FMN2: variants seen among roughly 807,000 people sequenced by gnomAD.
FMN2 encodes the protein formin 2.
FMN2 carries 51 observed loss-of-function variants against 142.3 expected under a neutral mutation model. The ratio of observed to expected loss-of-function variants is 0.36; its 90% CI spans 0.29 to 0.45. The LOEUF is 0.45. FMN2 is among the 20% of genes least tolerant of loss of function. The probability of loss-of-function intolerance (pLI) is 1.00; values close to 1 mark genes in which losing one functional copy is unlikely to be tolerated. For missense variants in FMN2, 1,936 were observed against 2,122.8 expected, an observed-to-expected ratio of 0.91 and a Z score of 1.73; for synonymous variants, 882 against 869.8, an observed-to-expected ratio of 1.01 and a Z score of -0.25.
At chr1:240,275,062 G>A (rs939844324) in intron 7 of FMN2, among the ~76,000 whole-genome samples, 14 of 145,372 alleles carry the variant, frequency 9.6e-5, no homozygotes, top group African/African-American at 3.4e-4. Context: ...GGTCAAGAAA[G>A]GGTGTTCTTT....
chr1:240,224,201 T>C (rs549154480), intron 6 of FMN2, among the ~76,000 whole-genome samples: 1 of 152,318 alleles, frequency 6.6e-6, no homozygotes, highest in East Asian at 1.9e-4. Context: ...TCTCATTGGT[T>C]TCAAAGAACT....
chr1:240,110,455 A>G (rs1398332799), intron 1 of FMN2, among the ~76,000 whole-genome samples: 1 of 152,200 alleles, frequency 6.6e-6, no homozygotes, highest in African/African-American at 2.4e-5. Context: ...GGCCCAATAA[A>G]ACCCTAGTGC....
At chr1:240,425,640 C>G (rs1674917218) in intron 15 of FMN2, among the ~76,000 whole-genome samples, 2 of 152,186 alleles carry the variant, frequency 1.3e-5, no homozygotes, top group Admixed American at 1.3e-4. Flanking sequence ...AGGGTTTACC[C>G]TGATCAGGAA....
chr1:240,416,907 C>G (rs987842211), intron 15 of FMN2, among the ~76,000 whole-genome samples: 6 of 151,724 alleles, frequency 4.0e-5, no homozygotes, highest in African/African-American at 1.5e-4. Flanking sequence ...TTTTTAAAAT[C>G]ATATACTCAG....
intron 7 of FMN2, among the ~76,000 whole-genome samples, chr1:240,281,415 T>C (rs767205983): frequency 2.8e-4 from 43 of 152,270 alleles, no homozygotes; most frequent in Non-Finnish European, 5.4e-4. Flanking sequence ...ATTTTAACTG[T>C]TTGATAACAA....
intron 14 of FMN2, among the ~76,000 whole-genome samples, chr1:240,360,123 T>C (rs1672411303): frequency 6.6e-6 from 1 of 152,232 alleles, no homozygotes; most frequent in Non-Finnish European, 1.5e-5. Context: ...AACTCAGTTT[T>C]TTTCCTCAAC....
intron 7 of FMN2, among the ~76,000 whole-genome samples, chr1:240,288,026 G>A (rs1262969770): frequency 1.3e-5 from 2 of 152,200 alleles, no homozygotes; most frequent in African/African-American, 4.8e-5. Flanking sequence ...AGGACAATCA[G>A]AGTGATCTCA....
chr1:240,225,605 T>C (rs1475284731), intron 6 of FMN2, among the ~76,000 whole-genome samples: 2 of 152,182 alleles, frequency 1.3e-5, no homozygotes, highest in African/African-American at 4.8e-5. Flanking sequence ...ATATCTGGAA[T>C]TGATAAAATA....
intron 13 of FMN2, among the ~76,000 whole-genome samples, chr1:240,354,970 A>T (rs1251415520): frequency 1.3e-5 from 2 of 152,170 alleles, no homozygotes; most frequent in African/African-American, 4.8e-5. Flanking sequence ...GCTATTACCA[A>T]AATGGCAGAC....
intron 2 of FMN2, among the ~76,000 whole-genome samples, chr1:240,163,631 T>A (rs1428070493): frequency 6.6e-6 from 1 of 152,102 alleles, no homozygotes; most frequent in African/African-American, 2.4e-5. Flanking sequence ...TGGAGCTCAT[T>A]TTTTATCTTG....
At chr1:240,340,345 C>T (rs545616087) in intron 13 of FMN2, among the ~76,000 whole-genome samples, 1 of 152,228 alleles carries the variant, frequency 6.6e-6, no homozygotes, top group South Asian at 2.1e-4. Flanking sequence ...CTTTGGGAGG[C>T]CGAGGCAGGT....
chr1:240,429,188 G>A (rs1675055043), intron 15 of FMN2, among the ~76,000 whole-genome samples: 1 of 152,100 alleles, frequency 6.6e-6, no homozygotes, highest in East Asian at 1.9e-4. Context: ...TGTTTTCATA[G>A]CCTTTATCAT....
intron 3 of FMN2, among the ~76,000 whole-genome samples, chr1:240,184,801 T>A (rs1040823041): frequency 6.6e-6 from 1 of 151,910 alleles, no homozygotes; most frequent in Non-Finnish European, 1.5e-5. Context: ...GGGAGCTCTA[T>A]GAAAGTTGGA....
intron 14 of FMN2, among the ~76,000 whole-genome samples, chr1:240,381,620 G>A (rs889670193): frequency 6.6e-6 from 1 of 152,030 alleles, no homozygotes; most frequent in Admixed American, 6.6e-5. Context: ...AGTAGATACG[G>A]GACTTCTCCA....
intron 16 of FMN2, among the ~76,000 whole-genome samples, chr1:240,442,670 A>G (rs1336786400): frequency 6.6e-6 from 1 of 152,156 alleles, no homozygotes; most frequent in Non-Finnish European, 1.5e-5. Flanking sequence ...TCCTGTATTA[A>G]TCTTTCTTAT....
chr1:240,119,186 G>A (rs999563315), intron 1 of FMN2, among the ~76,000 whole-genome samples: 9 of 152,030 alleles, frequency 5.9e-5, no homozygotes, highest in Non-Finnish European at 7.4e-5. Flanking sequence ...AAAATTAGCC[G>A]GGTGTGGTGG....
intron 2 of FMN2, among the ~76,000 whole-genome samples, chr1:240,149,411 A>G (rs971176407): frequency 2.0e-5 from 3 of 152,222 alleles, no homozygotes; most frequent in Non-Finnish European, 4.4e-5. Context: ...GGTACTATTC[A>G]TGTCACATCC....
At chr1:240,175,206 A>G (rs12093640) in intron 2 of FMN2, among the ~76,000 whole-genome samples, 44,233 of 151,920 alleles carry the variant, frequency 0.29, 6,636 homozygotes, top group South Asian at 0.39. Flanking sequence ...TATATATATC[A>G]CATTTTGTTT....
chr1:240,206,475 G>A (rs1666355883), intron 4 of FMN2, among the ~76,000 whole-genome samples: 1 of 151,852 alleles, frequency 6.6e-6, no homozygotes, highest in Admixed American at 6.6e-5. Flanking sequence ...GTGTTCCTAG[G>A]CTGGAAAGAA....
Sources: gnomAD v4.1 joint callset for allele counts (sites outside exome capture counted in the v4.1 genomes callset) on GRCh38, gnomAD v4.1.1 for gene constraint, MANE v1.5 for transcripts, NCBI Gene and HGNC (gene_info 2026-07-23, HGNC 2026-07-21) for gene names.